The following MYH7 variants were observed in gnomAD, a reference collection of about 807,000 sequenced individuals.
MYH7 encodes the protein myosin heavy chain 7.
MYH7 carries 129 observed loss-of-function variants against 225.4 expected under a neutral mutation model. That is an observed-to-expected ratio of 0.57 (90% CI 0.50 to 0.66). The LOEUF (loss-of-function observed/expected upper bound fraction) is 0.66. MYH7 is among the 30% of genes least tolerant of loss of function. The pLI, the probability that MYH7 is intolerant of heterozygous loss-of-function variation, is 0.00. For missense variants in MYH7, 1,649 were observed against 2,517.0 expected (o/e 0.66, Z 7.38); for synonymous variants, 971 against 1,007.6 (o/e 0.96, Z 0.69).
In MYH7 at chr14:23,415,550, A is replaced by C. The variant is rs1892159730; in HGVS notation, c.5158-44T>G. The C allele has an allele frequency of 1.9e-6, 3 of 1,614,010 alleles. No individual in the cohort carries two copies. The highest frequency in any genetic ancestry group is 2.5e-6 in the Non-Finnish European group (3 of 1,180,004). ...GGGCAGAGCAGGAAAAGCATTGAGC[A>C]TCTATGCATAGCTCTCAAGCCTTGC... On this transcript the variant is annotated intron_variant, in intron 35 of 39. Coordinates refer to ENST00000355349, the MANE Select transcript of MYH7 (RefSeq NM_000257.4). This position sits in a 1 kb window ranked among gnomAD's most constrained non-coding sequence, Gnocchi z 6.3.
intron 25 of MYH7, chr14:23,421,727 A>G (rs1255196007): frequency 2.0e-6 from 2 of 985,078 alleles, no homozygotes; most frequent in African/African-American, 1.7e-5. Flanking sequence ...AATTGGAACC[A>G]CAAGTTAAGC....
chr14:23,414,261 G>A (rs1327712760), intron 37 of MYH7, among the ~76,000 whole-genome samples, 159 bp from the exon 38 acceptor site: 2 of 152,170 alleles, frequency 1.3e-5, no homozygotes, highest in African/African-American at 4.8e-5. Flanking sequence ...CCAAATATGT[G>A]TAAATATTTT....
intron 28 of MYH7, 80 bp from the exon 29 acceptor site, chr14:23,419,375 A>T: frequency 6.2e-7 from 1 of 1,612,078 alleles, no homozygotes; most frequent in Non-Finnish European, 8.5e-7. Context: ...TTTTCTGGAG[A>T]GACTCTGTGT....
Position 23,415,463 on chromosome 14 carries a change from A to C in MYH7, c.5201T>G (p.Leu1734Arg), listed in dbSNP as rs772504062. Residue 1734 changes from leucine to arginine, a missense_variant, in exon 36 of 40, where the codon CTG becomes CGG. By Grantham distance (102) the Leu-to-Arg change is moderately radical. Coordinates refer to ENST00000355349, the MANE Select transcript of MYH7 (RefSeq NM_000257.4). This position sits in a 1 kb window ranked among gnomAD's most constrained non-coding sequence, Gnocchi z 6.3. ...CTCCACTTCAGTCTGGAGCTGGGAC[A>C]GGTCAGCATCCATCTTCTTCTTCTG... is the stretch of plus-strand genomic sequence containing the variant. ...INQKKKMDADLSQLQTEVEEA... is the reference protein window; with the variant it reads ...INQKKKMDADRSQLQTEVEEA... The C allele has an allele frequency of 1.2e-6, 2 of 1,614,220 alleles. No homozygotes were observed. The highest frequency in any genetic ancestry group is 8.5e-7 in the Non-Finnish European group (1 of 1,180,046).
In MYH7 at chr14:23,418,249, G is replaced by A. The variant is rs397516201; in HGVS notation, c.4130C>T (p.Thr1377Met). 5 of 1,613,472 alleles carry A rather than the reference G, an allele frequency of 3.1e-6. No individual in the cohort carries two copies. The highest frequency in any genetic ancestry group is 2.2e-5 in the East Asian group (1 of 44,882). Reference sequence around the variant, plus strand: ...CTCCTCAGTCCGCTGAATGGCGTCCGTCTCATACTTGGTCCTCCACTGGGC... The same window carrying A: ...CTCCTCAGTCCGCTGAATGGCGTCCATCTCATACTTGGTCCTCCACTGGGC... ...EVAQWRTKYE[T>M]DAIQRTEELE... Residue 1377 changes from threonine (T) to methionine (M), a missense_variant, in exon 30 of 40, where the codon ACG becomes ATG. This residue lies in a region of MYH7 where 687 missense variants were observed against 913.8 expected (regional missense o/e 0.75). Transcript: ENST00000355349.
intron 25 of MYH7, 86 bp downstream of exon 25, chr14:23,422,094 G>T (rs949119187): frequency 1.3e-6 from 2 of 1,593,114 alleles, no homozygotes; most frequent in Non-Finnish European, 1.7e-6. Context: ...GCGTGAGGTT[G>T]TTGCCTCAGA....
rs2069540 is a variant in MYH7 at position 23,433,544 on chromosome 14, G to A, written c.189C>T (p.Thr63=). 0.48 allele frequency: 782,327 copies of A among 1,613,538 alleles called. 192,482 individuals carry two copies. Among genetic ancestry groups the A allele is most frequent in the African/African-American group, 0.63 (47,033 of 74,942 alleles). The change falls in exon 3 of 40, where the codon ACC becomes ACT. Residue 63 remains threonine, a synonymous_variant. Transcript: ENST00000355349. The surrounding 1 kb of genome is among the most constrained non-coding windows in gnomAD (Gnocchi z 4.1). ...SREGGKVTAE[T]EYGKTVTVKE... is the part of the protein sequence containing the mutation. Reference sequence around the variant, plus strand: ...GCCTGACACCCACCTTGCCATACTCGGTCTCGGCAGTGACTTTGCCACCCT... The same window carrying A: ...GCCTGACACCCACCTTGCCATACTCAGTCTCGGCAGTGACTTTGCCACCCT...
At position 23,422,185 on chromosome 14, in the gene MYH7, C is replaced by T. The variant is rs776886972; in HGVS notation, c.3240G>A (p.Leu1080=). ...ENDKQQLDER[L]KKKDFELNAL... The stretch of plus-strand genomic sequence containing the variant: ...GCAGGGAGGGGACACAGTACTTTTT[C>T]AGCCGCTCATCCAGCTGCTGCTTGT... Residue 1080 remains leucine (L), a synonymous_variant, in exon 25 of 40, where the codon CTG becomes CTA. Transcript: ENST00000355349. 6.2e-7 allele frequency: 1 copy of T among 1,612,848 alleles called. No homozygotes were observed. Among genetic ancestry groups the T allele is most frequent in the African/African-American group, 1.3e-5 (1 of 74,958 alleles).
rs1892892787 is a variant in MYH7 at position 23,430,660 on chromosome 14, A to G, written c.899T>C (p.Met300Thr). ...GTAGGGGTTGTTGGTGATCAGCAGC[A>G]TGTCTAGGGGAAAAAACATGGTTAG... ...LSNKKPELLD[M>T]LLITNNPYDY... Residue 300 changes from methionine to threonine, a missense_variant, in exon 11 of 40, where the codon ATG becomes ACG. Physicochemically the swap from Met to Thr is moderately conservative, Grantham distance 81 (BLOSUM62 -1). Transcript: ENST00000355349. 6.2e-7 allele frequency: 1 copy of G among 1,613,468 alleles called. No homozygotes were observed. Among genetic ancestry groups the G allele is most frequent in the Non-Finnish European group, 8.5e-7 (1 of 1,179,420 alleles).
chr14:23,422,846 G>A (rs1362301933), intron 24 of MYH7, among the ~76,000 whole-genome samples: 2 of 152,076 alleles, frequency 1.3e-5, no homozygotes, highest in Non-Finnish European at 2.9e-5. Context: ...GGCCAGGATG[G>A]TCTCGATCTC....
chr14:23,417,131 G>T, intron 32 of MYH7, 22 bp downstream of exon 32: 2 of 1,614,126 alleles, frequency 1.2e-6, no homozygotes, highest in Non-Finnish European at 1.7e-6. Flanking sequence ...CCCCTCCCCA[G>T]CCTCTTGGGC....
chr14:23,427,992 T>C, intron 15 of MYH7, 98 bp from the exon 16 acceptor site: 1 of 1,492,790 alleles, frequency 6.7e-7, no homozygotes, highest in Non-Finnish European at 9.2e-7. Context: ...GGTGCCATGT[T>C]GGGTGTTAAG....
At chr14:23,417,361 C>A in intron 31 of MYH7, 43 bp from the exon 32 acceptor site, 1 of 1,612,362 alleles carries the variant, frequency 6.2e-7, no homozygotes, top group Non-Finnish European at 8.5e-7. Flanking sequence ...CCAGCCTCAG[C>A]CCCATGTCCA....
In MYH7 at chr14:23,418,366, T is replaced by C; in HGVS notation, c.4013A>G (p.His1338Arg). The change falls in exon 30 of 40, where the codon CAT (histidine) becomes CGT (arginine). Residue 1338 changes from histidine (H) to arginine (R), a missense_variant. His to Arg is a conservative substitution (Grantham distance 29). Coordinates refer to ENST00000355349, the MANE Select transcript of MYH7 (RefSeq NM_000257.4). ...CTGCTCCCGCAGCAGGTCGCAGTCA[T>C]GCCGGGCCGACTGCAGTGCGTGGGC... is the stretch of plus-strand genomic sequence containing the variant. ...ALAHALQSAR[H>R]DCDLLREQYE... 1 of 1,613,522 alleles carries C rather than the reference T, an allele frequency of 6.2e-7. No individual in the cohort carries two copies. Among genetic ancestry groups the C allele is most frequent in the Non-Finnish European group, 8.5e-7 (1 of 1,179,664 alleles).
Position 23,422,260 on chromosome 14 carries a change from C to T in MYH7, c.3165G>A (p.Leu1055=), listed in dbSNP as rs1433185475. Residue 1055 remains leucine (L), a synonymous_variant, in exon 25 of 40, where the codon CTG becomes CTA. Coordinates refer to ENST00000355349, the MANE Select transcript of MYH7 (RefSeq NM_000257.4). ...RMDLERAKRK[L]EGDLKLTQES... The stretch of plus-strand genomic sequence containing the variant: ...CCTGGGTCAGCTTCAGGTCGCCCTC[C>T]AGCTTCCGCTTCGCTCGCTCCAGGT... 3 of 1,614,138 alleles carry T rather than the reference C, an allele frequency of 1.9e-6. No individual in the cohort carries two copies. The highest frequency in any genetic ancestry group is 2.5e-6 in the Non-Finnish European group (3 of 1,180,016).
At chr14:23,428,428 G>GGCT in intron 15 of MYH7, 72 bp downstream of exon 15, 1 of 1,604,464 alleles carries the variant, frequency 6.2e-7, no homozygotes, top group Non-Finnish European at 8.5e-7. Flanking sequence ...AAGGGAGAGG[G>GGCT]GCTGCTATTT....
Position 23,429,924 on chromosome 14 carries a change from G to A in MYH7, c.1000-11C>T. On this transcript the variant is annotated splice_polypyrimidine_tract_variant and intron_variant, in intron 11 of 39. Transcript: ENST00000355349. ...CACATCAAAAGCGTTCTGTAGGGAG[G>A]CCCCATATTGGCGGACCCCAGAAAA... 5.0e-6 allele frequency: 8 copies of A among 1,613,780 alleles called. No individual in the cohort carries two copies. Among genetic ancestry groups the A allele is most frequent in the Non-Finnish European group, 6.8e-6 (8 of 1,179,980 alleles).
intron 13 of MYH7, 31 bp downstream of exon 13, chr14:23,429,198 C>T (rs747364583): frequency 6.2e-7 from 1 of 1,613,196 alleles, no homozygotes; most frequent in Non-Finnish European, 8.5e-7. Flanking sequence ...CCCTACCCTG[C>T]CCACCCATTA....
chr14:23,419,936 C>T lies in MYH7; in HGVS notation c.3635G>A (p.Arg1212Gln), dbSNP rs1892401372. 1 of 1,611,504 alleles carries T rather than the reference C, an allele frequency of 6.2e-7. No homozygotes were observed. The highest frequency in any genetic ancestry group is 8.5e-7 in the Non-Finnish European group (1 of 1,178,390). ...CTCCTTCTCCAGCTTCTGCTTCACC[C>T]GCTGCAGGTTGTCGATCTGCTCGCC... Reference protein sequence around the residue: ...ELGEQIDNLQRVKQKLEKEKS... With the variant: ...ELGEQIDNLQQVKQKLEKEKS... The change falls in exon 27 of 40, where the codon CGG (arginine) becomes CAG (glutamine). Residue 1212 changes from arginine (R) to glutamine (Q), a missense_variant. By Grantham distance (43) the Arg-to-Gln change is conservative (BLOSUM62 1). Around this residue, in one of 12 missense-constraint regions of MYH7, gnomAD observed 106 missense variants for 198.8 expected, o/e 0.53. Transcript: ENST00000355349.
Sources: allele counts gnomAD v4.1 joint callset (sites outside exome capture counted in the v4.1 genomes callset), GRCh38; gene constraint gnomAD v4.1.1; regional missense constraint gnomAD v4.1.1; non-coding constraint Gnocchi (gnomAD v3.1); transcripts MANE v1.5; gene names NCBI Gene and HGNC (gene_info 2026-07-23, HGNC 2026-07-21).